LRMDA: variants seen among roughly 807,000 people sequenced by gnomAD.
The protein encoded by LRMDA is leucine-rich melanocyte differentiation-associated protein.
A neutral mutation model predicts 29.8 loss-of-function variants in LRMDA; 18 were observed. The observed-to-expected ratio is 0.60, with a 90% CI of 0.42 to 0.90. The LOEUF is 0.90. Ranked by LOEUF, LRMDA falls within the 40% of genes least tolerant of loss-of-function variation. The probability of loss-of-function intolerance (pLI) is 0.00; values close to 1 mark genes in which losing one functional copy is unlikely to be tolerated. For missense variants in LRMDA, 273 were observed against 273.9 expected, an observed-to-expected ratio of 1.00 and a Z score of 0.02; for synonymous variants, 125 against 109.4, an observed-to-expected ratio of 1.14 and a Z score of -0.89.
chr10:75,970,060 A>T (rs905291740), intron 2 of LRMDA, among the ~76,000 whole-genome samples: 2 of 152,188 alleles, frequency 1.3e-5, no homozygotes, highest in African/African-American at 4.8e-5. Context: ...CCACTTGATG[A>T]CCCCAAGACA....
At chr10:76,540,561 C>T (rs902637166) in intron 6 of LRMDA, among the ~76,000 whole-genome samples, 42 of 152,252 alleles carry the variant, frequency 2.8e-4, no homozygotes, top group African/African-American at 9.6e-4. Context: ...ACCCCATCGT[C>T]GGTGGAATCA....
intron 5 of LRMDA, among the ~76,000 whole-genome samples, chr10:76,261,677 G>A (rs1174409981): frequency 6.6e-6 from 1 of 152,290 alleles, no homozygotes; most frequent in East Asian, 1.9e-4. Context: ...CAACACACAT[G>A]CCTTCAATAA....
At chr10:76,351,207 G>A (rs1019550140) in intron 6 of LRMDA, among the ~76,000 whole-genome samples, 2 of 152,114 alleles carry the variant, frequency 1.3e-5, no homozygotes, top group African/African-American at 2.4e-5. Flanking sequence ...GCAGCTCCAC[G>A]CATTGACTCC....
At chr10:75,871,283 T>TA (rs1845104873) in intron 2 of LRMDA, among the ~76,000 whole-genome samples, 1 of 152,170 alleles carries the variant, frequency 6.6e-6, no homozygotes, top group South Asian at 2.1e-4. Flanking sequence ...TCTCACAAGT[T>TA]ACTGCAAGAG....
At chr10:76,506,537 A>G (rs1842960978) in intron 6 of LRMDA, among the ~76,000 whole-genome samples, 1 of 152,004 alleles carries the variant, frequency 6.6e-6, no homozygotes, top group Non-Finnish European at 1.5e-5. Flanking sequence ...TTTGACTTGT[A>G]TTTGCAGCTA....
chr10:76,068,727 A>G (rs773380692), intron 5 of LRMDA, among the ~76,000 whole-genome samples: 8 of 152,194 alleles, frequency 5.3e-5, no homozygotes, highest in Non-Finnish European at 1.0e-4. Context: ...CAACCTGAAC[A>G]GAGTTAAAAG....
intron 6 of LRMDA, among the ~76,000 whole-genome samples, chr10:76,533,120 A>G (rs975775402): frequency 6.6e-6 from 1 of 151,390 alleles, no homozygotes; most frequent in African/African-American, 2.4e-5. Context: ...AAACAAAAAT[A>G]ACCACTTGTA....
chr10:76,204,031 A>G (rs1353607636), intron 5 of LRMDA, among the ~76,000 whole-genome samples: 1 of 140,384 alleles, frequency 7.1e-6, no homozygotes, highest in Non-Finnish European at 1.5e-5. Flanking sequence ...GTGCCTGTCC[A>G]CCCATCTCTA....
intron 2 of LRMDA, among the ~76,000 whole-genome samples, chr10:75,467,947 G>T (rs978530381): frequency 7.0e-6 from 1 of 142,622 alleles, no homozygotes; most frequent in African/African-American, 2.7e-5. Context: ...GTGACAGAGT[G>T]AGACTCCGTC....
chr10:76,254,191 A>G (rs1480972549), intron 5 of LRMDA, among the ~76,000 whole-genome samples: 1 of 152,064 alleles, frequency 6.6e-6, no homozygotes, highest in Middle Eastern at 3.4e-3. Flanking sequence ...CTTGTTGTCA[A>G]TATTCATAAT....
intron 5 of LRMDA, among the ~76,000 whole-genome samples, chr10:76,251,285 A>G (rs369968928): frequency 2.0e-4 from 22 of 111,026 alleles, no homozygotes; most frequent in Admixed American, 1.2e-3. Flanking sequence ...TCGCTCTGTC[A>G]CCCAGGCCGG....
At chr10:75,801,414 G>A (rs1843742003) in intron 2 of LRMDA, among the ~76,000 whole-genome samples, 1 of 152,214 alleles carries the variant, frequency 6.6e-6, no homozygotes, top group Admixed American at 6.5e-5. Context: ...AAGGGGAAAA[G>A]CCATTTAAAC....
intron 5 of LRMDA, among the ~76,000 whole-genome samples, chr10:76,309,332 CTCTG>C (rs1216596641): frequency 6.6e-6 from 1 of 152,002 alleles, no homozygotes; most frequent in Non-Finnish European, 1.5e-5. Context: ...TCAGAGCTTC[CTCTG>C]TCTGTGGGTG....
Position 75,467,952 on chromosome 10 carries a change from T to C in LRMDA, c.131+29458T>C, listed in dbSNP as rs867527189. 3.0e-4 allele frequency among the ~76,000 whole-genome samples: 34 copies of C among 114,976 alleles called. 1 individual carries two copies. Among genetic ancestry groups the C allele is most frequent in the South Asian group, 2.5e-3 (9 of 3,614 alleles). 75.4% of individuals were successfully genotyped at this position (114,976 alleles called of 152,430 possible). A position where few individuals can be genotyped will look rare whatever the true frequency, so the allele number is the denominator to read the frequency against. On this transcript the variant is annotated intron_variant, in intron 2 of 6. Coordinates refer to ENST00000611255, the MANE Select transcript of LRMDA (RefSeq NM_001305581.2). Reference sequence around the variant, plus strand: ...CTCCAGCCTGGTGACAGAGTGAGACTCCGTCACACACACACACACACACAC... The same window carrying C: ...CTCCAGCCTGGTGACAGAGTGAGACCCCGTCACACACACACACACACACAC...
chr10:76,391,712 T>A (rs935389917), intron 6 of LRMDA, among the ~76,000 whole-genome samples: 1 of 152,220 alleles, frequency 6.6e-6, no homozygotes, highest in Non-Finnish European at 1.5e-5. Context: ...CCACTCTTTC[T>A]TTAATCAAAA....
intron 5 of LRMDA, among the ~76,000 whole-genome samples, chr10:76,207,851 C>A (rs1265829834): frequency 2.0e-5 from 3 of 152,066 alleles, no homozygotes; most frequent in Non-Finnish European, 4.4e-5. Flanking sequence ...GTAATCCCAG[C>A]TACTTGGAAG....
In LRMDA at chr10:76,557,405, C is replaced by G; in HGVS notation, c.*117C>G. The G allele has an allele frequency of 1.2e-6, 1 of 837,704 alleles. No homozygotes were observed. Among genetic ancestry groups the G allele is most frequent in the Non-Finnish European group, 1.9e-6 (1 of 521,280 alleles). 51.9% of individuals were successfully genotyped at this position (837,704 alleles called of 1,614,324 possible). A position where few individuals can be genotyped will look rare whatever the true frequency, so the allele number is the denominator to read the frequency against. On this transcript the variant is annotated 3_prime_UTR_variant, in exon 7 of 7. Coordinates refer to ENST00000611255, the MANE Select transcript of LRMDA (RefSeq NM_001305581.2). ...CCACATTGCCTCTCTTTGGGAAAAG[C>G]TATGACTTCAGCTTTTGGTACCTTC...
At chr10:76,092,929 T>C (rs1446511115) in intron 5 of LRMDA, among the ~76,000 whole-genome samples, 1 of 152,236 alleles carries the variant, frequency 6.6e-6, no homozygotes, top group African/African-American at 2.4e-5. Context: ...TAAATACTTA[T>C]TAAGTTGTTC....
intron 6 of LRMDA, among the ~76,000 whole-genome samples, chr10:76,399,929 T>C (rs1841830371): frequency 6.6e-6 from 1 of 152,202 alleles, no homozygotes; most frequent in African/African-American, 2.4e-5. Context: ...GGCAGCAGCT[T>C]CTAAGATGGT....
Sources: allele counts gnomAD v4.1 joint callset (sites outside exome capture counted in the v4.1 genomes callset), GRCh38; gene constraint gnomAD v4.1.1; transcripts MANE v1.5; gene names NCBI Gene and HGNC (gene_info 2026-07-23, HGNC 2026-07-21).